The following BCAP29 variants were observed in gnomAD, a reference collection of about 807,000 sequenced individuals.
The protein encoded by BCAP29 is B cell receptor associated protein 29.
Under a neutral mutation model 31.8 loss-of-function variants are expected in BCAP29, and 34 were observed. That is an observed-to-expected ratio of 1.07 (90% CI 0.81 to 1.42). The LOEUF is 1.42. BCAP29 is among the 40% of genes most tolerant of loss of function. The probability of loss-of-function intolerance (pLI) is 0.00; values close to 1 mark genes in which losing one functional copy is unlikely to be tolerated. For missense variants in BCAP29, 314 were observed against 269.2 expected, an observed-to-expected ratio of 1.17 and a Z score of -1.16; for synonymous variants, 104 against 91.3, an observed-to-expected ratio of 1.14 and a Z score of -0.79.
intron 3 of BCAP29, among the ~76,000 whole-genome samples, chr7:107,593,606 C>T (rs539005601): frequency 1.3e-5 from 2 of 152,126 alleles, no homozygotes; most frequent in Non-Finnish European, 2.9e-5. Context: ...GATATGACAT[C>T]TGTCATTGTC....
intron 6 of BCAP29, among the ~76,000 whole-genome samples, chr7:107,612,819 G>C (rs898293405): frequency 2.0e-5 from 3 of 152,072 alleles, no homozygotes; most frequent in Non-Finnish European, 4.4e-5. Context: ...TAAAATGTCA[G>C]TATCATGAAA....
chr7:107,612,437 A>ATATATTTATTTATT (rs771741951), intron 6 of BCAP29, among the ~76,000 whole-genome samples: 41 of 113,218 alleles, frequency 3.6e-4, no homozygotes, highest in African/African-American at 1.4e-3. Flanking sequence ...ATATATATAT[A>ATATATTTATTTATT]TATTTATTTT....
rs1814599615 is a variant in BCAP29, at chr7:107,618,542, CAA to C, written c.*181_*182del. On this transcript the variant is annotated 3_prime_UTR_variant, in exon 8 of 8. Coordinates refer to ENST00000005259, the MANE Select transcript of BCAP29 (RefSeq NM_018844.4). The stretch of plus-strand genomic sequence containing the variant: ...ATTTGATGATGTTTCAGATATATTG[CAA>C]AGTCTGTATTCCAGCTCTTAAGAAA... 1.2e-6 allele frequency: 2 copies of C among 1,602,356 alleles called. No individual in the cohort carries two copies. Among genetic ancestry groups the C allele is most frequent in the Non-Finnish European group, 1.7e-6 (2 of 1,170,312 alleles).
intron 1 of BCAP29, 46 bp from the exon 2 acceptor site, chr7:107,580,712 GT>G (rs1806467545): frequency 2.1e-6 from 3 of 1,403,664 alleles, no homozygotes; most frequent in Non-Finnish European, 3.0e-6. Flanking sequence ...CTTGAACCCG[GT>G]TTTGTTTGAA....
At chr7:107,594,188 ATT>A (rs879432395) in intron 4 of BCAP29, 83 bp downstream of exon 4, 2,568 of 1,041,542 alleles carry the variant, frequency 2.5e-3, no homozygotes, top group Non-Finnish European at 2.7e-3. Context: ...TTTACTGTAG[ATT>A]TTTTTTTTTT....
At chr7:107,590,867 G>A (rs1808605688) in intron 3 of BCAP29, among the ~76,000 whole-genome samples, 1 of 150,682 alleles carries the variant, frequency 6.6e-6, no homozygotes, top group Non-Finnish European at 1.5e-5. Flanking sequence ...TAATCCTAAA[G>A]TATCTACAAG....
chr7:107,609,118 G>A (rs907798573), intron 6 of BCAP29, among the ~76,000 whole-genome samples: 1 of 152,180 alleles, frequency 6.6e-6, no homozygotes, highest in African/African-American at 2.4e-5. Flanking sequence ...ACATTAATTA[G>A]CCAGATGAAG....
intron 7 of BCAP29, among the ~76,000 whole-genome samples, chr7:107,616,834 A>G (rs572071282): frequency 6.6e-6 from 1 of 152,050 alleles, no homozygotes; most frequent in East Asian, 1.9e-4. Flanking sequence ...CACCTCCCCA[A>G]TTTAATCGAT....
Position 107,597,508 on chromosome 7 carries a change from C to T in BCAP29, c.480+1506C>T, listed in dbSNP as rs28660172. 8.8e-3 allele frequency among the ~76,000 whole-genome samples: 1,333 copies of T among 152,294 alleles called. 14 individuals are homozygous for T. The highest frequency in any genetic ancestry group is 0.03 in the African/African-American group (1,259 of 41,558). On this transcript the variant is annotated intron_variant, in intron 5 of 7. Transcript: ENST00000005259. ...CCTATGTTAATGGGCCTCAAAGTTCCTTAGCTATAAATAATAGTTAACATT... is the reference window on the plus strand; with the variant it reads ...CCTATGTTAATGGGCCTCAAAGTTCTTTAGCTATAAATAATAGTTAACATT...
At chr7:107,602,112 T>G (rs1296426450) in intron 6 of BCAP29, among the ~76,000 whole-genome samples, 2 of 152,228 alleles carry the variant, frequency 1.3e-5, no homozygotes, top group Non-Finnish European at 2.9e-5. Flanking sequence ...TAACAACTGA[T>G]ACCAGCTTCT....
chr7:107,612,441 T>TATATA (rs1554480161), intron 6 of BCAP29, among the ~76,000 whole-genome samples: 10 of 94,190 alleles, frequency 1.1e-4, no homozygotes, highest in East Asian at 3.3e-4. Flanking sequence ...ATATATATAT[T>TATATA]TATTTTACTT....
At chr7:107,587,113 G>T (rs776117381) in intron 3 of BCAP29, among the ~76,000 whole-genome samples, 9 of 152,184 alleles carry the variant, frequency 5.9e-5, no homozygotes, top group African/African-American at 1.4e-4. Flanking sequence ...GTGTGCATGT[G>T]TGTGTATTTT....
rs1281222465 is a variant in BCAP29, at chr7:107,620,224, AG to A, written c.*1863del. 14 of 152,352 alleles carry A rather than the reference AG, an allele frequency of 9.2e-5. No individual in the cohort carries two copies. Among genetic ancestry groups the A allele is most frequent in the Middle Eastern group, 3.4e-3 (1 of 294 alleles). 9.4% of individuals were successfully genotyped at this position (152,352 alleles called of 1,614,324 possible). A position where few individuals can be genotyped will look rare whatever the true frequency, so the allele number is the denominator to read the frequency against. ...AACATTGATAGTTAGATTCAGGGCC[AG>A]GCTGTAAGTCTAGAATTTAGATATC... On this transcript the variant is annotated 3_prime_UTR_variant, in exon 8 of 8. Coordinates refer to ENST00000005259, the MANE Select transcript of BCAP29 (RefSeq NM_018844.4).
At chr7:107,597,590 A>G (rs528427545) in intron 5 of BCAP29, among the ~76,000 whole-genome samples, 2 of 152,230 alleles carry the variant, frequency 1.3e-5, no homozygotes, top group Admixed American at 6.5e-5. Context: ...TAATTTTCAC[A>G]AAAGTCCCTT....
At chr7:107,594,744 C>T (rs899924178) in intron 4 of BCAP29, among the ~76,000 whole-genome samples, 6 of 152,118 alleles carry the variant, frequency 3.9e-5, no homozygotes, top group Non-Finnish European at 7.4e-5. Flanking sequence ...CCTCATGATC[C>T]TCCCGCCTCG....
downstream of BCAP29, chr7:107,622,365 T>G (rs1216590991): frequency 6.5e-6 from 1 of 154,354 alleles, no homozygotes; most frequent in African/African-American, 2.4e-5. Flanking sequence ...CATCTACTTT[T>G]CAGCCTCAAC....
intron 7 of BCAP29, chr7:107,615,246 AAAAGCCACAGT>A (rs1813900349): frequency 2.2e-6 from 1 of 456,722 alleles, no homozygotes; most frequent in African/African-American, 2.0e-5. Flanking sequence ...CTCCCCACAG[AAAAGCCACAGT>A]CAGCCTGGAG....
chr7:107,613,073 G>C (rs1346592548), intron 6 of BCAP29, among the ~76,000 whole-genome samples: 1 of 152,090 alleles, frequency 6.6e-6, no homozygotes, highest in Non-Finnish European at 1.5e-5. Flanking sequence ...GGTTATGTTA[G>C]ATAATATTTT....
At chr7:107,600,243 A>G in intron 5 of BCAP29, 154 bp from the exon 6 acceptor site, 1 of 670,362 alleles carries the variant, frequency 1.5e-6, no homozygotes. Context: ...TTCTGTTAGC[A>G]AAAGTACATT....
Sources: allele counts gnomAD v4.1 joint callset (sites outside exome capture counted in the v4.1 genomes callset), GRCh38; gene constraint gnomAD v4.1.1; transcripts MANE v1.5; gene names NCBI Gene and HGNC (gene_info 2026-07-23, HGNC 2026-07-21).